NOX3: variants seen among roughly 807,000 people sequenced by gnomAD.
The protein encoded by NOX3 is NADPH oxidase 3.
In NOX3, 74 loss-of-function variants were observed where a neutral mutation model predicts 76.7. The observed-to-expected ratio is 0.96, with a 90% CI of 0.80 to 1.17. The LOEUF is 1.17. NOX3 is among the 50% of genes most tolerant of loss of function. The pLI, the probability that NOX3 is intolerant of heterozygous loss-of-function variation, is 0.00. For synonymous variants in NOX3, 263 were observed against 261.1 expected, an observed-to-expected ratio of 1.01 and a Z score of -0.07; for missense variants, 695 against 703.3, an observed-to-expected ratio of 0.99 and a Z score of 0.13.
chr6:155,429,084 C>T, intron 8 of NOX3, 37 bp from the exon 9 acceptor site: 1 of 1,479,900 alleles, frequency 6.8e-7, no homozygotes, highest in South Asian at 1.5e-5. Flanking sequence ...CCTTTGTCCT[C>T]GAAATAATAA....
chr6:155,427,790 A>G (rs1776776631), intron 9 of NOX3, among the ~76,000 whole-genome samples: 1 of 152,220 alleles, frequency 6.6e-6, no homozygotes, highest in Admixed American at 6.5e-5. Context: ...CTGTATGAAC[A>G]GTGGGAATTG....
Position 155,422,763 on chromosome 6 carries a change from G to T in NOX3, c.1239C>A (p.Pro413=), listed in dbSNP as rs150665463. 5 of 1,614,194 alleles carry T rather than the reference G, an allele frequency of 3.1e-6. No homozygotes were observed. The highest frequency in any genetic ancestry group is 4.2e-6 in the Non-Finnish European group (5 of 1,180,026). ...VCVAAGIGVT[P]FAALLKSIWY... is the part of the protein sequence containing the mutation. ...ATATAGATTTCAGAAGAGCAGCGAA[G>T]GGAGTGACTCCGATCCCCGCGGCAA... The change falls in exon 10 of 14, where the codon CCC becomes CCA. Residue 413 remains proline, a synonymous_variant. Coordinates refer to ENST00000159060, the MANE Select transcript of NOX3 (RefSeq NM_015718.3).
At chr6:155,417,715 A>G (rs1276621447) in intron 10 of NOX3, among the ~76,000 whole-genome samples, 1 of 152,204 alleles carries the variant, frequency 6.6e-6, no homozygotes, top group East Asian at 1.9e-4. Context: ...AAACAGATTA[A>G]ATTAAATGCA....
At chr6:155,414,578 T>G (rs1176285257) in intron 10 of NOX3, among the ~76,000 whole-genome samples, 1 of 152,022 alleles carries the variant, frequency 6.6e-6, no homozygotes, top group African/African-American at 2.4e-5. Flanking sequence ...AAATTATTTT[T>G]TTTTACAGGA....
intron 8 of NOX3, among the ~76,000 whole-genome samples, chr6:155,429,432 C>T (rs1015080453): frequency 1.2e-4 from 19 of 152,196 alleles, no homozygotes; most frequent in African/African-American, 3.6e-4. Flanking sequence ...GTGTTTTTAA[C>T]ATCTAGGAAC....
chr6:155,407,048 G>T, intron 12 of NOX3, 82 bp downstream of exon 12: 1 of 1,474,600 alleles, frequency 6.8e-7, no homozygotes, highest in Non-Finnish European at 9.5e-7. Flanking sequence ...ATACGGTACT[G>T]CAGATTAACT....
chr6:155,440,683 CA>C (rs59598361), intron 5 of NOX3, among the ~76,000 whole-genome samples: 21,249 of 105,502 alleles, frequency 0.2, 1,591 homozygotes, highest in African/African-American at 0.22. Context: ...AAAGAAAAAA[CA>C]AAAAAAAAAA....
At position 155,443,745 on chromosome 6, in the gene NOX3, G is replaced by C. The variant is rs554748435; in HGVS notation, c.341-327C>G. Among the ~76,000 whole-genome samples, 66 of 151,626 alleles carry C rather than the reference G, an allele frequency of 4.4e-4. 1 individual carries two copies. In the South Asian group the frequency reaches 0.012, roughly 28 times the overall value. On this transcript the variant is annotated intron_variant, in intron 4 of 13. Transcript: ENST00000159060. Reference sequence around the variant, plus strand: ...AATTATATATGAAATAATTCTAAAAGAAATAATGATATATAACTTCTTAAG... The same window carrying C: ...AATTATATATGAAATAATTCTAAAACAAATAATGATATATAACTTCTTAAG...
At chr6:155,436,325 G>A in intron 7 of NOX3, 93 bp downstream of exon 7, 1 of 1,430,008 alleles carries the variant, frequency 7.0e-7, no homozygotes, top group East Asian at 2.3e-5. Context: ...TTGTCTAGTG[G>A]TGAAATGTGC....
At chr6:155,435,677 C>T (rs1776894929) in intron 7 of NOX3, among the ~76,000 whole-genome samples, 1 of 151,964 alleles carries the variant, frequency 6.6e-6, no homozygotes, top group Admixed American at 6.6e-5. Flanking sequence ...GTTTATCTGC[C>T]AGATGCATTT....
At chr6:155,400,553 G>A (rs753959962) in intron 12 of NOX3, among the ~76,000 whole-genome samples, 3 of 151,800 alleles carry the variant, frequency 2.0e-5, no homozygotes, top group Non-Finnish European at 4.4e-5. Context: ...TTTTTCATTA[G>A]AAATGCCTCC....
chr6:155,432,528 A>G (rs1776847923), intron 7 of NOX3, among the ~76,000 whole-genome samples: 1 of 152,052 alleles, frequency 6.6e-6, no homozygotes. Flanking sequence ...TCTTCTGTTG[A>G]TGGGTCACAA....
chr6:155,409,907 T>C (rs896835539), intron 11 of NOX3, among the ~76,000 whole-genome samples: 3 of 152,228 alleles, frequency 2.0e-5, no homozygotes, highest in African/African-American at 7.2e-5. Context: ...CAGTTCTCAG[T>C]TATGAGAACC....
chr6:155,406,486 A>C (rs552311795), intron 12 of NOX3, among the ~76,000 whole-genome samples: 24 of 152,364 alleles, frequency 1.6e-4, no homozygotes, highest in Non-Finnish European at 2.9e-4. Context: ...AACGATAATA[A>C]AAATAATAAT....
At position 155,442,819 on chromosome 6, in the gene NOX3, T is replaced by C. The variant is rs1240184729; in HGVS notation, c.486+454A>G. 2.0e-5 allele frequency among the ~76,000 whole-genome samples: 3 copies of C among 152,338 alleles called. No homozygotes were observed. The East Asian group carries it at 5.8e-4, about 29-fold the overall frequency. On this transcript the variant is annotated intron_variant, in intron 5 of 13. Transcript: ENST00000159060. ...ATTTGGCAAAGCAGCTATTCACATA[T>C]GTGCCAATGTATGAGGCATTCGGAG...
At chr6:155,407,900 T>C (rs772299554) in intron 11 of NOX3, among the ~76,000 whole-genome samples, 2 of 152,232 alleles carry the variant, frequency 1.3e-5, no homozygotes, top group South Asian at 2.1e-4. Flanking sequence ...CCAGGCGTCA[T>C]GTAGCTAGTG....
At chr6:155,439,781 T>C (rs890491560) in intron 6 of NOX3, among the ~76,000 whole-genome samples, 175 bp downstream of exon 6, 3 of 152,218 alleles carry the variant, frequency 2.0e-5, no homozygotes, top group Non-Finnish European at 2.9e-5. Flanking sequence ...TCACCATCTA[T>C]GTAGCTTATT....
At position 155,443,406 on chromosome 6, in the gene NOX3, A is replaced by G. The variant is rs139671298; in HGVS notation, c.353T>C (p.Val118Ala). Reference sequence around the variant, plus strand: ...GCGTTCCAGGTTGAAGAAATGCGCCACGATGTGGATGGCTAGGACAAGGAG... The same window carrying G: ...GCGTTCCAGGTTGAAGAAATGCGCCGCGATGTGGATGGCTAGGACAAGGAG... Reference protein sequence around the residue: ...GIAVNATIHIVAHFFNLERYH... With the variant: ...GIAVNATIHIAAHFFNLERYH... Residue 118 changes from valine (V) to alanine (A), a missense_variant, in exon 5 of 14, where the codon GTG becomes GCG. By Grantham distance (64) the Val-to-Ala change is moderately conservative. Coordinates refer to ENST00000159060, the MANE Select transcript of NOX3 (RefSeq NM_015718.3). 7 of 1,613,828 alleles carry G rather than the reference A, an allele frequency of 4.3e-6. No individual in the cohort carries two copies. Among genetic ancestry groups the G allele is most frequent in the Non-Finnish European group, 5.9e-6 (7 of 1,179,900 alleles).
chr6:155,453,415 G>A lies in NOX3; in HGVS notation c.329C>T (p.Ala110Val). ...RFHKLVAYGI[A>V]VNATIHIVAH... ...TAATAAGTACTTACTTGCATTAACA[G>A]CTATCCCATAGGCGACCAGTTTGTG... Residue 110 changes from alanine (A) to valine (V), a missense_variant, in exon 4 of 14, where the codon GCT becomes GTT. Coordinates refer to ENST00000159060, the MANE Select transcript of NOX3 (RefSeq NM_015718.3). The A allele has an allele frequency of 1.9e-6, 3 of 1,611,636 alleles. No individual in the cohort carries two copies. The highest frequency in any genetic ancestry group is 2.5e-6 in the Non-Finnish European group (3 of 1,177,768).
Sources: allele counts gnomAD v4.1 joint callset (sites outside exome capture counted in the v4.1 genomes callset), GRCh38; gene constraint gnomAD v4.1.1; transcripts MANE v1.5; gene names NCBI Gene and HGNC (gene_info 2026-07-23, HGNC 2026-07-21).